MBOAT2: variants seen among roughly 807,000 people sequenced by gnomAD.
The protein encoded by MBOAT2 is membrane-bound glycerophospholipid O-acyltransferase 2.
Under a neutral mutation model 63.4 loss-of-function variants are expected in MBOAT2, and 28 were observed. That is an observed-to-expected ratio of 0.44 (90% CI 0.33 to 0.61). The LOEUF is 0.61. Among genes scored for constraint, MBOAT2 ranks in the 20% least tolerant of loss-of-function variants. The probability of loss-of-function intolerance (pLI) is 0.03; values close to 1 mark genes in which losing one functional copy is unlikely to be tolerated. For missense variants in MBOAT2, 470 were observed against 605.8 expected (o/e 0.78, Z 2.35); for synonymous variants, 211 against 215.6 (o/e 0.98, Z 0.19).
intron 5 of MBOAT2, 85 bp downstream of exon 5, chr2:8,887,933 A>G: frequency 8.2e-7 from 1 of 1,226,222 alleles, no homozygotes; most frequent in South Asian, 1.2e-5. Flanking sequence ...TTACTCTAAT[A>G]GCAGAAAGTT....
chr2:8,975,328 G>A (rs1388402572), intron 1 of MBOAT2, among the ~76,000 whole-genome samples: 19 of 152,024 alleles, frequency 1.2e-4, no homozygotes, highest in Admixed American at 1.2e-3. Flanking sequence ...AGTAATTTCT[G>A]TACGTGCTTA....
intron 3 of MBOAT2, among the ~76,000 whole-genome samples, chr2:8,931,917 G>A (rs562060453): frequency 6.6e-6 from 1 of 152,250 alleles, no homozygotes; most frequent in African/African-American, 2.4e-5. Flanking sequence ...TTATTTCTGA[G>A]ATCTCTATTC....
rs762379179 is a variant in MBOAT2 at position 8,860,606 on chromosome 2, C to T, written c.1337+7G>A. The T allele has an allele frequency of 1.4e-5, 23 of 1,611,756 alleles. No individual in the cohort carries two copies. The highest frequency in any genetic ancestry group is 1.8e-5 in the Non-Finnish European group (21 of 1,179,294). On this transcript the variant is annotated splice_region_variant and intron_variant, in intron 12 of 12. Transcript: ENST00000305997. The stretch of plus-strand genomic sequence containing the variant: ...CCCACTGACAAAGTTTTAAGAGTAA[C>T]ACTTACCTGTAAAACGTGAGTGATG...
Position 8,907,748 on chromosome 2 carries a change from T to A in MBOAT2, c.395+873A>T, listed in dbSNP as rs1450638483. ...CTTTCATCTGAACCTATTTTTAAAA[T>A]CTGTGTAGTAAAATATACTTTAATC... On this transcript the variant is annotated intron_variant, in intron 4 of 12. Coordinates refer to ENST00000305997, the MANE Select transcript of MBOAT2 (RefSeq NM_138799.4). 7.2e-5 allele frequency among the ~76,000 whole-genome samples: 11 copies of A among 152,250 alleles called. No homozygotes were observed. In the East Asian group the frequency reaches 2.1e-3, roughly 29 times the overall value.
chr2:8,935,538 G>A (rs1667599140), intron 3 of MBOAT2, among the ~76,000 whole-genome samples: 1 of 152,092 alleles, frequency 6.6e-6, no homozygotes, highest in Admixed American at 6.6e-5. Flanking sequence ...TCAGGAGAGA[G>A]GGAAAAAAAC....
chr2:8,914,354 T>C (rs1391641103), intron 3 of MBOAT2, among the ~76,000 whole-genome samples: 1 of 152,140 alleles, frequency 6.6e-6, no homozygotes, highest in Non-Finnish European at 1.5e-5. Context: ...CCAACATTCA[T>C]ATTGGAACTA....
At chr2:8,986,797 T>C (rs1026665709) in intron 1 of MBOAT2, among the ~76,000 whole-genome samples, 2 of 152,114 alleles carry the variant, frequency 1.3e-5, no homozygotes, top group Non-Finnish European at 2.9e-5. Context: ...CACAGAGGGC[T>C]TGCTCTCTCT....
At position 8,956,416 on chromosome 2, in the gene MBOAT2, C is replaced by A. The variant is rs149626033; in HGVS notation, c.221+2081G>T. Among the ~76,000 whole-genome samples, 131 of 152,248 alleles carry A rather than the reference C, an allele frequency of 8.6e-4. 1 individual carries two copies. The East Asian group carries it at 0.024, about 28-fold the overall frequency. On this transcript the variant is annotated intron_variant, in intron 2 of 12. Transcript: ENST00000305997. ...TCATTTGAAAAATAAAAATAAAAATCCTGGCTGGGCACAGTGGCTCATACC... is the reference window on the plus strand; with the variant it reads ...TCATTTGAAAAATAAAAATAAAAATACTGGCTGGGCACAGTGGCTCATACC...
At chr2:8,868,942 T>C (rs539975829) in intron 8 of MBOAT2, among the ~76,000 whole-genome samples, 8 of 152,232 alleles carry the variant, frequency 5.3e-5, no homozygotes, top group Non-Finnish European at 1.2e-4. Context: ...TTTTTAATCA[T>C]ATATTTGAAG....
intron 4 of MBOAT2, among the ~76,000 whole-genome samples, chr2:8,906,130 T>C (rs1212914893): frequency 6.6e-6 from 1 of 152,166 alleles, no homozygotes; most frequent in Non-Finnish European, 1.5e-5. Context: ...ATTTAATTTT[T>C]TGTATTTTTA....
At chr2:8,885,147 C>A (rs902073889) in intron 5 of MBOAT2, among the ~76,000 whole-genome samples, 5 of 152,102 alleles carry the variant, frequency 3.3e-5, no homozygotes, top group African/African-American at 9.7e-5. Context: ...CTGTTTAGTA[C>A]TTATGTATGA....
At chr2:8,891,169 T>G (rs1032609370) in intron 4 of MBOAT2, among the ~76,000 whole-genome samples, 4 of 152,232 alleles carry the variant, frequency 2.6e-5, no homozygotes, top group Non-Finnish European at 5.9e-5. Flanking sequence ...TGGATGGCAG[T>G]CCCAAGGCTT....
At chr2:8,900,090 C>T (rs552313237) in intron 4 of MBOAT2, among the ~76,000 whole-genome samples, 2 of 152,194 alleles carry the variant, frequency 1.3e-5, no homozygotes, top group African/African-American at 2.4e-5. Flanking sequence ...CCCTGAGTTA[C>T]GGTGGACAAC....
intron 1 of MBOAT2, among the ~76,000 whole-genome samples, chr2:8,993,498 C>T (rs528686018): frequency 6.6e-6 from 1 of 152,246 alleles, no homozygotes; most frequent in South Asian, 2.1e-4. Flanking sequence ...AAGTGAGTGT[C>T]CACAGATTTC....
chr2:8,899,854 G>A (rs202101058), intron 4 of MBOAT2, among the ~76,000 whole-genome samples: 112 of 148,158 alleles, frequency 7.6e-4, no homozygotes, highest in Non-Finnish European at 8.0e-4. Context: ...GTTCCTCTTG[G>A]TCCCTATTAT....
At chr2:8,977,406 C>T (rs889078418) in intron 1 of MBOAT2, among the ~76,000 whole-genome samples, 3 of 151,994 alleles carry the variant, frequency 2.0e-5, no homozygotes, top group Admixed American at 6.6e-5. Context: ...TATTTCTTCC[C>T]CATTCATCCT....
intron 3 of MBOAT2, among the ~76,000 whole-genome samples, chr2:8,910,769 A>G (rs1335700941): frequency 6.6e-6 from 1 of 152,208 alleles, no homozygotes; most frequent in Non-Finnish European, 1.5e-5. Context: ...GATACACAGG[A>G]AGCCCACATA....
intron 4 of MBOAT2, among the ~76,000 whole-genome samples, chr2:8,906,691 A>G (rs1275397963): frequency 6.6e-6 from 1 of 152,248 alleles, no homozygotes; most frequent in Non-Finnish European, 1.5e-5. Flanking sequence ...GCTGACGAGG[A>G]AAATAAAAAG....
intron 3 of MBOAT2, among the ~76,000 whole-genome samples, chr2:8,912,094 T>G (rs868327677): frequency 6.6e-6 from 1 of 151,936 alleles, no homozygotes; most frequent in Middle Eastern, 3.4e-3. Flanking sequence ...CATACCTTAA[T>G]GTAATAAAAG....
Sources: gnomAD v4.1 joint callset for allele counts (sites outside exome capture counted in the v4.1 genomes callset) on GRCh38, gnomAD v4.1.1 for gene constraint, MANE v1.5 for transcripts, NCBI Gene and HGNC (gene_info 2026-07-23, HGNC 2026-07-21) for gene names.